BCKDHB: variants seen among roughly 807,000 people sequenced by gnomAD.
The protein encoded by BCKDHB is 2-oxoisovalerate dehydrogenase subunit beta, mitochondrial.
In BCKDHB, 41 loss-of-function variants were observed where a neutral mutation model predicts 48.5. That is an observed-to-expected ratio of 0.85 (90% CI 0.66 to 1.10). BCKDHB has a LOEUF of 1.10. BCKDHB is among the 50% of genes least tolerant of loss of function. BCKDHB has a pLI of 0.00. For synonymous variants in BCKDHB, 201 were observed against 174.8 expected, an observed-to-expected ratio of 1.15 and a Z score of -1.18; for missense variants, 496 against 494.2, an observed-to-expected ratio of 1.00 and a Z score of -0.03.
At chr6:80,390,705 G>C in the BCKDHB span, among the ~76,000 whole-genome samples, 1 of 152,098 alleles carries the variant, frequency 6.6e-6, no homozygotes, top group South Asian at 2.1e-4. Context: ...TTCTTTATTT[G>C]AAGATTATGT....
intron 3 of BCKDHB, among the ~76,000 whole-genome samples, chr6:80,136,799 G>A (rs970336838): frequency 2.0e-5 from 3 of 151,880 alleles, no homozygotes; most frequent in Non-Finnish European, 4.4e-5. Context: ...GACTTGCATA[G>A]ACATTTCTCC....
At chr6:80,387,314 G>T in the BCKDHB span, among the ~76,000 whole-genome samples, 1 of 152,152 alleles carries the variant, frequency 6.6e-6, no homozygotes, top group Non-Finnish European at 1.5e-5. Context: ...CAGAGTGAGG[G>T]TTATTATGGT....
intron 9 of BCKDHB, among the ~76,000 whole-genome samples, chr6:80,273,802 A>G (rs557254759): frequency 6.6e-6 from 1 of 152,198 alleles, no homozygotes; most frequent in South Asian, 2.1e-4. Flanking sequence ...TTAAGATGCC[A>G]CATATCAGGA....
intron 1 of BCKDHB, among the ~76,000 whole-genome samples, chr6:80,123,485 A>G (rs146417300): frequency 3.9e-5 from 6 of 152,268 alleles, no homozygotes; most frequent in East Asian, 1.9e-4. Context: ...AACTCTTTGT[A>G]TCTCTGGTAG....
At chr6:80,349,694 G>A (rs573479491), downstream of BCKDHB, among the ~76,000 whole-genome samples, 8 of 152,102 alleles carry the variant, frequency 5.3e-5, no homozygotes, top group African/African-American at 7.2e-5. Flanking sequence ...ATATGCATTC[G>A]AAATTGACAA....
At chr6:80,324,188 G>A (rs1391813970) in intron 9 of BCKDHB, among the ~76,000 whole-genome samples, 1 of 152,130 alleles carries the variant, frequency 6.6e-6, no homozygotes, top group African/African-American at 2.4e-5. Context: ...TAGCTATTCA[G>A]CAGTGAGCTG....
At chr6:80,107,560 T>TAC (rs1434515313) in intron 1 of BCKDHB, among the ~76,000 whole-genome samples, 2 of 125,780 alleles carry the variant, frequency 1.6e-5, no homozygotes, top group Admixed American at 8.0e-5. Context: ...TATATATGCA[T>TAC]ATATATATGC....
chr6:80,352,456 C>T, the BCKDHB span, among the ~76,000 whole-genome samples: 1 of 152,154 alleles, frequency 6.6e-6, no homozygotes, highest in African/African-American at 2.4e-5. Context: ...TCCATTTCTG[C>T]CACATGCAGC....
In BCKDHB at chr6:80,139,779, C is replaced by T. The variant is rs1250281463; in HGVS notation, c.343+10550C>T. ...TTCTTTTGGCTTAGGATTGACTTGG[C>T]GATGTGGGCTCTTTTTTGGTTCCAT... On this transcript the variant is annotated intron_variant, in intron 3 of 9. Coordinates refer to ENST00000320393, the MANE Select transcript of BCKDHB (RefSeq NM_183050.4). Among the ~76,000 whole-genome samples, 9 of 151,534 alleles carry T rather than the reference C, an allele frequency of 5.9e-5. No homozygotes were observed. In the East Asian group the frequency reaches 7.8e-4, roughly 13 times the overall value.
chr6:80,403,409 A>G, the BCKDHB span, among the ~76,000 whole-genome samples: 1 of 151,952 alleles, frequency 6.6e-6, no homozygotes, highest in Non-Finnish European at 1.5e-5. Context: ...TAGAATCATA[A>G]CTGATTTTTG....
intron 6 of BCKDHB, among the ~76,000 whole-genome samples, chr6:80,198,935 G>A (rs569059857): frequency 6.6e-6 from 1 of 152,232 alleles, no homozygotes; most frequent in East Asian, 1.9e-4. Flanking sequence ...CAAATAACTG[G>A]TTCTGCAAAG....
At chr6:80,107,662 T>A (rs1769197543) in intron 1 of BCKDHB, among the ~76,000 whole-genome samples, 1 of 151,616 alleles carries the variant, frequency 6.6e-6, no homozygotes, top group Admixed American at 6.6e-5. Context: ...AGGTCCTTCC[T>A]AGAGATGTGA....
intron 1 of BCKDHB, among the ~76,000 whole-genome samples, chr6:80,109,276 T>C (rs1439300396): frequency 3.3e-5 from 5 of 152,212 alleles, no homozygotes; most frequent in Non-Finnish European, 4.4e-5. Context: ...ACAATGTCTA[T>C]AATATACTTA....
Position 80,129,181 on chromosome 6 carries a change from G to A in BCKDHB, c.295G>A (p.Ala99Thr). 6.2e-7 allele frequency: 1 copy of A among 1,609,864 alleles called. No individual in the cohort carries two copies. Among genetic ancestry groups the A allele is most frequent in the Non-Finnish European group, 8.5e-7 (1 of 1,177,318 alleles). Residue 99 changes from alanine (A) to threonine (T), a missense_variant, in exon 3 of 10, where the codon GCC becomes ACC. Coordinates refer to ENST00000320393, the MANE Select transcript of BCKDHB (RefSeq NM_183050.4). ...PTAVIFGEDVAFGGVFRCTVG... is the reference protein window; with the variant it reads ...PTAVIFGEDVTFGGVFRCTVG... ...TTCAGTAATATTTGGTGAAGATGTT[G>A]CCTTTGGTGGAGTCTTTAGATGCAC...
chr6:80,320,422 T>C (rs973770635), intron 9 of BCKDHB, among the ~76,000 whole-genome samples: 17 of 152,218 alleles, frequency 1.1e-4, no homozygotes, highest in Admixed American at 1.3e-4. Context: ...TCTTTTTTCA[T>C]ACATCTTGAT....
At chr6:80,373,151 C>T in the BCKDHB span, among the ~76,000 whole-genome samples, 947 of 152,144 alleles carry the variant, frequency 6.2e-3, 10 homozygotes, top group African/African-American at 0.022. Context: ...TTAAGAGTCT[C>T]TCTTTATTTC....
intron 5 of BCKDHB, among the ~76,000 whole-genome samples, chr6:80,169,297 C>T (rs1284893840): frequency 6.6e-6 from 1 of 152,086 alleles, no homozygotes; most frequent in African/African-American, 2.4e-5. Flanking sequence ...AGAATAAGAC[C>T]AAGAACATAG....
chr6:80,289,038 T>A (rs1382915614), intron 9 of BCKDHB, among the ~76,000 whole-genome samples: 3 of 152,152 alleles, frequency 2.0e-5, no homozygotes, highest in Non-Finnish European at 1.5e-5. Context: ...AACACAGAGC[T>A]GTTTTCTCAA....
chr6:80,393,235 G>A, the BCKDHB span, among the ~76,000 whole-genome samples: 96 of 152,154 alleles, frequency 6.3e-4, no homozygotes, highest in African/African-American at 2.2e-3. Flanking sequence ...TTCTCCCACG[G>A]AAGATTAATT....
Sources: gnomAD v4.1 joint callset for allele counts (sites outside exome capture counted in the v4.1 genomes callset) on GRCh38, gnomAD v4.1.1 for gene constraint, MANE v1.5 for transcripts, NCBI Gene and HGNC (gene_info 2026-07-23, HGNC 2026-07-21) for gene names.